Variants in COL19A1 observed in about 807,000 individuals in gnomAD.
COL19A1 encodes collagen alpha-1(XIX) chain.
Under a neutral mutation model 190.2 loss-of-function variants are expected in COL19A1, and 159 were observed. That is an observed-to-expected ratio of 0.84 (90% CI 0.73 to 0.95). The LOEUF is 0.95. Among genes scored for constraint, COL19A1 ranks in the 40% least tolerant of loss-of-function variants. The pLI is 0.00. For missense variants in COL19A1, 1,418 were observed against 1,431.9 expected, an observed-to-expected ratio of 0.99 and a Z score of 0.16; for synonymous variants, 509 against 458.9, an observed-to-expected ratio of 1.11 and a Z score of -1.39.
intron 16 of COL19A1, among the ~76,000 whole-genome samples, chr6:70,118,836 T>C (rs1231091751): frequency 1.0e-5 from 1 of 98,608 alleles, no homozygotes; most frequent in Non-Finnish European, 2.0e-5. Flanking sequence ...CCTTTGTTTT[T>C]AGAGGGAGCA....
intron 11 of COL19A1, among the ~76,000 whole-genome samples, chr6:70,001,503 A>G (rs895064911): frequency 2.6e-5 from 4 of 152,216 alleles, no homozygotes; most frequent in Admixed American, 6.5e-5. Flanking sequence ...ATCCATAAGC[A>G]TGGAATGTTT....
At chr6:69,990,099 AG>A (rs1182436194) in intron 11 of COL19A1, among the ~76,000 whole-genome samples, 1 of 152,132 alleles carries the variant, frequency 6.6e-6, no homozygotes, top group Non-Finnish European at 1.5e-5. Context: ...CTCTGGTCCT[AG>A]GCATAATAAA....
At chr6:70,176,922 C>T (rs1765847144) in intron 42 of COL19A1, among the ~76,000 whole-genome samples, 1 of 152,204 alleles carries the variant, frequency 6.6e-6, no homozygotes, top group Non-Finnish European at 1.5e-5. Context: ...AGACAGAGTT[C>T]TTATCCTCAG....
At chr6:70,125,591 A>T (rs1785148345) in intron 17 of COL19A1, among the ~76,000 whole-genome samples, 2 of 152,152 alleles carry the variant, frequency 1.3e-5, no homozygotes, top group Non-Finnish European at 2.9e-5. Flanking sequence ...AAGGAAAAAA[A>T]AAGCAAATGA....
At chr6:70,151,588 G>C in intron 31 of COL19A1, 150 bp downstream of exon 31, 1 of 675,232 alleles carries the variant, frequency 1.5e-6, no homozygotes, top group South Asian at 1.8e-5. Flanking sequence ...AAATAAACAT[G>C]TATCTTATAT....
chr6:70,031,374 A>G (rs1479354681), intron 12 of COL19A1, among the ~76,000 whole-genome samples: 2 of 151,720 alleles, frequency 1.3e-5, no homozygotes, highest in Non-Finnish European at 2.9e-5. Context: ...TGCTTATCCT[A>G]CTCTGCTATC....
intron 14 of COL19A1, among the ~76,000 whole-genome samples, chr6:70,064,892 A>G (rs1392205665): frequency 6.6e-6 from 1 of 152,176 alleles, no homozygotes; most frequent in Non-Finnish European, 1.5e-5. Context: ...TAGGAATCCA[A>G]CTTACAAGGG....
chr6:69,907,131 G>GACGGAGTCTCCAAAAAA (rs1770609014), intron 4 of COL19A1, among the ~76,000 whole-genome samples: 1 of 117,046 alleles, frequency 8.5e-6, no homozygotes, highest in Non-Finnish European at 1.7e-5. Flanking sequence ...TTTTTTTTGA[G>GACGGAGTCTCCAAAAAA]ACGGAGTCTC....
chr6:70,211,137 G>T lies in COL19A1; in HGVS notation c.*3863G>T, dbSNP rs1768176867. On this transcript the variant is annotated 3_prime_UTR_variant, in exon 51 of 51. Coordinates refer to ENST00000620364, the MANE Select transcript of COL19A1 (RefSeq NM_001858.6). ...ATGTCTAAACTCTATGTTGCTCAGTGTACTTAAAATTTTACAGTTATATTT... is the reference window on the plus strand; with the variant it reads ...ATGTCTAAACTCTATGTTGCTCAGTTTACTTAAAATTTTACAGTTATATTT... Among the ~76,000 whole-genome samples, 1 of 151,950 alleles carries T rather than the reference G, an allele frequency of 6.6e-6. No homozygotes were observed. The highest frequency in any genetic ancestry group is 1.5e-5 in the Non-Finnish European group (1 of 67,946).
At chr6:69,893,854 A>G (rs1160009700) in intron 2 of COL19A1, among the ~76,000 whole-genome samples, 2 of 152,184 alleles carry the variant, frequency 1.3e-5, no homozygotes. Flanking sequence ...ACAATCCTTT[A>G]TCTTAGCCTG....
At chr6:69,924,771 T>C (rs1772242816) in intron 4 of COL19A1, among the ~76,000 whole-genome samples, 1 of 152,238 alleles carries the variant, frequency 6.6e-6, no homozygotes, top group East Asian at 1.9e-4. Context: ...TTTTAATGAT[T>C]GCCATTCTAA....
In COL19A1 at chr6:69,961,958, C is replaced by T. The variant is rs141261575; in HGVS notation, c.982-868C>T. Among the ~76,000 whole-genome samples, 15 of 152,172 alleles carry T rather than the reference C, an allele frequency of 9.9e-5. No individual in the cohort carries two copies. In the East Asian group the frequency reaches 2.9e-3, roughly 29 times the overall value. On this transcript the variant is annotated intron_variant, in intron 10 of 50. Coordinates refer to ENST00000620364, the MANE Select transcript of COL19A1 (RefSeq NM_001858.6). ...TTGTTGAGGCATTACAGAAAAAATTCTAGAGATCAGAAACCCTCTATCTCC... is the reference window on the plus strand; with the variant it reads ...TTGTTGAGGCATTACAGAAAAAATTTTAGAGATCAGAAACCCTCTATCTCC...
At chr6:70,103,383 C>T (rs1783753884) in intron 16 of COL19A1, among the ~76,000 whole-genome samples, 1 of 152,140 alleles carries the variant, frequency 6.6e-6, no homozygotes, top group Non-Finnish European at 1.5e-5. Flanking sequence ...GGAGCAAAAC[C>T]TCTAAATCAT....
intron 46 of COL19A1, 89 bp downstream of exon 46, chr6:70,185,004 C>T: frequency 1.7e-6 from 2 of 1,202,146 alleles, no homozygotes; most frequent in South Asian, 3.2e-5. Flanking sequence ...GTGTAGACCC[C>T]TGCAAATCAC....
chr6:69,959,463 C>T (rs928267555), intron 9 of COL19A1, among the ~76,000 whole-genome samples: 1 of 151,872 alleles, frequency 6.6e-6, no homozygotes, highest in African/African-American at 2.4e-5. Flanking sequence ...AATCTTTTTC[C>T]AAAGACAGTG....
chr6:70,059,776 C>T (rs1436729705), intron 14 of COL19A1: 1 of 527,418 alleles, frequency 1.9e-6, no homozygotes, highest in Non-Finnish European at 3.9e-6. Context: ...TAAATCCAAT[C>T]TCAAATGTCT....
At chr6:70,172,058 T>G in intron 41 of COL19A1, 41 bp downstream of exon 41, 2 of 1,591,858 alleles carry the variant, frequency 1.3e-6, no homozygotes, top group Admixed American at 1.7e-5. Context: ...TATTCAACAT[T>G]CAAAATTGTT....
At chr6:69,974,665 A>G (rs890389517) in intron 11 of COL19A1, among the ~76,000 whole-genome samples, 2 of 152,100 alleles carry the variant, frequency 1.3e-5, no homozygotes, top group African/African-American at 4.8e-5. Flanking sequence ...TAAGTTCTTT[A>G]TTTTAAGCCA....
At chr6:69,879,857 A>AT in intron 2 of COL19A1, 199 bp downstream of exon 2, 1 of 588,224 alleles carries the variant, frequency 1.7e-6, no homozygotes, top group Non-Finnish European at 3.0e-6. Context: ...TTTCATACGC[A>AT]TAGTATATTA....
Sources: allele counts gnomAD v4.1 joint callset (sites outside exome capture counted in the v4.1 genomes callset), GRCh38; gene constraint gnomAD v4.1.1; transcripts MANE v1.5; gene names NCBI Gene and HGNC (gene_info 2026-07-23, HGNC 2026-07-21).